CCDC178: variants seen among roughly 807,000 people sequenced by gnomAD.
CCDC178 encodes coiled-coil domain containing 178, also known as coiled-coil domain-containing protein 178.
CCDC178 carries 126 observed loss-of-function variants against 117.4 expected under a neutral mutation model. The observed-to-expected ratio is 1.07, with a 90% CI of 0.93 to 1.24. CCDC178 has a LOEUF of 1.24. Among genes scored for constraint, CCDC178 ranks in the 50% most tolerant of loss-of-function variants. The pLI is 0.00. For missense variants in CCDC178, 1,030 were observed against 986.9 expected, an observed-to-expected ratio of 1.04 and a Z score of -0.59; for synonymous variants, 283 against 313.4, an observed-to-expected ratio of 0.90 and a Z score of 1.02.
At chr18:33,379,404 C>T (rs1176819073) in intron 5 of CCDC178, among the ~76,000 whole-genome samples, 1 of 151,916 alleles carries the variant, frequency 6.6e-6, no homozygotes, top group Non-Finnish European at 1.5e-5. Context: ...CTGTGGCCAA[C>T]GTTGCTGGGT....
At chr18:33,239,944 T>C (rs1394183413) in intron 15 of CCDC178, among the ~76,000 whole-genome samples, 2 of 151,986 alleles carry the variant, frequency 1.3e-5, no homozygotes, top group African/African-American at 4.8e-5. Context: ...ATTCTTTTCA[T>C]CAGCACATGA....
intron 2 of CCDC178, among the ~76,000 whole-genome samples, chr18:33,436,340 GACA>G (rs1232425805): frequency 6.6e-6 from 1 of 152,150 alleles, no homozygotes; most frequent in Non-Finnish European, 1.5e-5. Flanking sequence ...AGATGTCCAG[GACA>G]GCAAGAATGA....
At chr18:33,147,596 A>G (rs867985345) in intron 20 of CCDC178, among the ~76,000 whole-genome samples, 100 of 151,798 alleles carry the variant, frequency 6.6e-4, no homozygotes, top group Middle Eastern at 3.4e-3. Flanking sequence ...GCCTTCAAGC[A>G]TCTGTTTAAC....
intron 5 of CCDC178, among the ~76,000 whole-genome samples, chr18:33,383,660 A>G (rs2063463109): frequency 6.6e-6 from 1 of 152,076 alleles, no homozygotes; most frequent in Non-Finnish European, 1.5e-5. Context: ...ACAAAAAGCA[A>G]AAACAACAAC....
intron 20 of CCDC178, among the ~76,000 whole-genome samples, chr18:33,116,854 T>C (rs549524219): frequency 2.0e-5 from 3 of 152,270 alleles, no homozygotes; most frequent in East Asian, 3.9e-4. Flanking sequence ...CTATATTATA[T>C]GCAGACATCA....
intron 20 of CCDC178, among the ~76,000 whole-genome samples, chr18:33,128,511 CT>C (rs1388359131): frequency 1.3e-5 from 2 of 152,096 alleles, no homozygotes; most frequent in Non-Finnish European, 2.9e-5. Flanking sequence ...AATAAAGGCC[CT>C]GAATTTCGTG....
intron 21 of CCDC178, among the ~76,000 whole-genome samples, chr18:33,058,767 A>G (rs1440082408): frequency 5.3e-5 from 8 of 152,124 alleles, no homozygotes; most frequent in African/African-American, 1.7e-4. Flanking sequence ...ACAATTTGGA[A>G]ACTAATTTAA....
chr18:33,265,003 T>G (rs936225987), intron 14 of CCDC178, among the ~76,000 whole-genome samples: 1 of 152,106 alleles, frequency 6.6e-6, no homozygotes, highest in Non-Finnish European at 1.5e-5. Flanking sequence ...ACTCTTCAGA[T>G]GTTTGTTTGC....
intron 9 of CCDC178, among the ~76,000 whole-genome samples, chr18:33,334,853 T>G (rs1295642672): frequency 6.6e-6 from 1 of 152,094 alleles, no homozygotes; most frequent in East Asian, 1.9e-4. Flanking sequence ...ATTCCTTTAA[T>G]GACTATATGA....
chr18:33,152,583 CA>C (rs2058353246), intron 20 of CCDC178, among the ~76,000 whole-genome samples: 1 of 152,036 alleles, frequency 6.6e-6, no homozygotes, highest in Non-Finnish European at 1.5e-5. Context: ...ACAACCATCT[CA>C]GCCATCCAGC....
At chr18:33,103,758 A>T (rs149538097) in intron 20 of CCDC178, among the ~76,000 whole-genome samples, 1 of 151,806 alleles carries the variant, frequency 6.6e-6, no homozygotes, top group African/African-American at 2.4e-5. Flanking sequence ...AAGTAGATAG[A>T]GAGGTCTGCT....
chr18:33,356,177 T>G, intron 7 of CCDC178, 147 bp downstream of exon 7: 1 of 787,588 alleles, frequency 1.3e-6, no homozygotes, highest in Non-Finnish European at 1.8e-6. Flanking sequence ...CTCATTCTTA[T>G]ATTTTAAAAA....
chr18:32,961,202 C>G (rs1196820139), intron 22 of CCDC178, among the ~76,000 whole-genome samples: 1 of 152,114 alleles, frequency 6.6e-6, no homozygotes, highest in East Asian at 1.9e-4. Flanking sequence ...ATTGAAATCT[C>G]AAACTATAAT....
chr18:33,431,117 T>C (rs1190659469), intron 2 of CCDC178, among the ~76,000 whole-genome samples: 3 of 144,880 alleles, frequency 2.1e-5, no homozygotes, highest in African/African-American at 7.6e-5. Context: ...ATAATGGAAA[T>C]GGCTCAGGTG....
At chr18:33,135,414 C>G (rs2058112782) in intron 20 of CCDC178, among the ~76,000 whole-genome samples, 1 of 152,086 alleles carries the variant, frequency 6.6e-6, no homozygotes, top group Non-Finnish European at 1.5e-5. Flanking sequence ...TTTTAAGTAT[C>G]ATGCAGCAAC....
intron 20 of CCDC178, among the ~76,000 whole-genome samples, chr18:33,108,217 T>G (rs1288671595): frequency 6.6e-6 from 1 of 151,692 alleles, no homozygotes; most frequent in East Asian, 1.9e-4. Context: ...GTTTATGCTT[T>G]CAAACATATC....
chr18:33,177,258 C>A (rs188340494), intron 20 of CCDC178, among the ~76,000 whole-genome samples: 1 of 152,020 alleles, frequency 6.6e-6, no homozygotes, highest in South Asian at 2.1e-4. Flanking sequence ...CTAGGGCATG[C>A]GTGGCTTAAC....
At chr18:33,397,237 A>C in intron 3 of CCDC178, 29 bp from the exon 4 acceptor site, 1 of 1,456,298 alleles carries the variant, frequency 6.9e-7, no homozygotes, top group Non-Finnish European at 9.6e-7. Flanking sequence ...AACAAAATAA[A>C]ATATCTGCTT....
At chr18:33,198,815 T>C (rs147810948) in intron 20 of CCDC178, among the ~76,000 whole-genome samples, 24 of 152,256 alleles carry the variant, frequency 1.6e-4, no homozygotes, top group African/African-American at 4.8e-4. Flanking sequence ...TGTTTAGAAG[T>C]TGCATTTTAA....
Sources: allele counts gnomAD v4.1 joint callset (sites outside exome capture counted in the v4.1 genomes callset), GRCh38; gene constraint gnomAD v4.1.1; transcripts MANE v1.5; gene names NCBI Gene and HGNC (gene_info 2026-07-23, HGNC 2026-07-21).